Variants in VPS37C observed in about 807,000 individuals in gnomAD.
The protein encoded by VPS37C is vacuolar protein sorting-associated protein 37C.
VPS37C carries 9 observed loss-of-function variants against 16.1 expected under a neutral mutation model. The observed-to-expected ratio is 0.56, with a 90% CI of 0.34 to 0.97. The LOEUF (loss-of-function observed/expected upper bound fraction) is 0.97, where lower values mean the gene tolerates loss of function less well. Among genes scored for constraint, VPS37C ranks in the 50% least tolerant of loss-of-function variants. The pLI is 0.02. For synonymous variants in VPS37C, 207 were observed against 206.4 expected, an observed-to-expected ratio of 1.00 and a Z score of -0.02; for missense variants, 479 against 472.7, an observed-to-expected ratio of 1.01 and a Z score of -0.12.
At chr11:61,149,276 A>G (rs1205563994) in intron 1 of VPS37C, among the ~76,000 whole-genome samples, 1 of 152,118 alleles carries the variant, frequency 6.6e-6, no homozygotes, top group Non-Finnish European at 1.5e-5. Context: ...ACAGAGCGAG[A>G]CTCCATCTCA....
In VPS37C at chr11:61,150,450, G is replaced by C. The variant is rs750953967; in HGVS notation, c.-7+10941C>G. 4.4e-4 allele frequency among the ~76,000 whole-genome samples: 67 copies of C among 151,852 alleles called. 1 individual carries two copies. Among genetic ancestry groups the C allele is most frequent in the Non-Finnish European group, 7.4e-4 (50 of 67,978 alleles). ...CCCCACCTGTCAATGGGTGGCGGCG[G>C]GAGGGGTCAAGTAGCCTAACCAGTC... On this transcript the variant is annotated intron_variant, in intron 1 of 4. Coordinates refer to ENST00000301765, the MANE Select transcript of VPS37C (RefSeq NM_017966.5).
Position 61,131,962 on chromosome 11 carries a change from G to A in VPS37C, c.926C>T (p.Pro309Leu), listed in dbSNP as rs1166734526. 2 of 1,315,882 alleles carry A rather than the reference G, an allele frequency of 1.5e-6. No individual in the cohort carries two copies. The highest frequency in any genetic ancestry group is 1.9e-6 in the Non-Finnish European group (2 of 1,026,484). 81.5% of individuals were successfully genotyped at this position (1,315,882 alleles called of 1,614,324 possible). The change falls in exon 5 of 5, where the codon CCT (proline) becomes CTT (leucine). Residue 309 changes from proline to leucine, a missense_variant. Physicochemically the swap from Pro to Leu is moderately conservative, Grantham distance 98 (BLOSUM62 -3). Coordinates refer to ENST00000301765, the MANE Select transcript of VPS37C (RefSeq NM_017966.5). Reference protein sequence around the residue: ...QSPYPATGGKPPYPIQPQLPS... With the variant: ...QSPYPATGGKLPYPIQPQLPS... ...GAGCTGAGGCTGTATTGGGTAGGGA[G>A]GTTTTCCTCCTGTTGCGGGGTATGG...
At chr11:61,150,682 C>T (rs1249224164) in intron 1 of VPS37C, among the ~76,000 whole-genome samples, 1 of 151,926 alleles carries the variant, frequency 6.6e-6, no homozygotes, top group Non-Finnish European at 1.5e-5. Flanking sequence ...TCCCCCTTGA[C>T]CTAGAGTTGG....
At chr11:61,139,582 C>CGATT (rs1861437587) in intron 1 of VPS37C, among the ~76,000 whole-genome samples, 1 of 152,016 alleles carries the variant, frequency 6.6e-6, no homozygotes, top group Non-Finnish European at 1.5e-5. Context: ...AGAGGGCCAT[C>CGATT]GATTGTCTGT....
At chr11:61,160,326 G>A (rs1327265580) in intron 1 of VPS37C, among the ~76,000 whole-genome samples, 2 of 152,150 alleles carry the variant, frequency 1.3e-5, no homozygotes, top group African/African-American at 4.8e-5. Context: ...GAGTTCAGGT[G>A]TCTGCAGGGT....
intron 2 of VPS37C, among the ~76,000 whole-genome samples, chr11:61,137,253 C>A (rs1861393415): frequency 6.6e-6 from 1 of 152,144 alleles, no homozygotes; most frequent in South Asian, 2.1e-4. Flanking sequence ...CCCACTGTGA[C>A]TCAATGACTG....
chr11:61,151,446 C>T (rs1008203695), intron 1 of VPS37C, among the ~76,000 whole-genome samples: 4 of 152,236 alleles, frequency 2.6e-5, no homozygotes, highest in Admixed American at 2.6e-4. Flanking sequence ...GGCTCTGAAT[C>T]TGTAAGGCAG....
intron 1 of VPS37C, among the ~76,000 whole-genome samples, chr11:61,160,913 C>T (rs1468458251): frequency 6.6e-6 from 1 of 152,164 alleles, no homozygotes; most frequent in South Asian, 2.1e-4. Context: ...GGAGAAAGGG[C>T]ACAAGCCAGT....
At chr11:61,136,300 T>A (rs1299351447) in intron 2 of VPS37C, among the ~76,000 whole-genome samples, 5 of 151,752 alleles carry the variant, frequency 3.3e-5, no homozygotes, top group Admixed American at 2.0e-4. Flanking sequence ...CTTGCTCCCT[T>A]GTAGCTGGGA....
intron 2 of VPS37C, among the ~76,000 whole-genome samples, chr11:61,135,227 T>C (rs1861346805): frequency 6.6e-6 from 1 of 152,230 alleles, no homozygotes; most frequent in African/African-American, 2.4e-5. Flanking sequence ...GTGGGCATTC[T>C]GGAAGAGGCG....
At position 61,152,063 on chromosome 11, in the gene VPS37C, C is replaced by G. The variant is rs556304065; in HGVS notation, c.-7+9328G>C. ...TCTAATCTGCACAGAGCAAGCTGAG[C>G]AAGTGGATTTAACTGTCCCTTTAAG... is the stretch of plus-strand genomic sequence containing the variant. On this transcript the variant is annotated intron_variant, in intron 1 of 4. Coordinates refer to ENST00000301765, the MANE Select transcript of VPS37C (RefSeq NM_017966.5). 5.3e-4 allele frequency among the ~76,000 whole-genome samples: 81 copies of G among 152,290 alleles called. 1 individual carries two copies. Among genetic ancestry groups the G allele is most frequent in the African/African-American group, 1.8e-3 (76 of 41,558 alleles).
At chr11:61,156,594 CAAAA>C (rs1331125373) in intron 1 of VPS37C, among the ~76,000 whole-genome samples, 1 of 151,740 alleles carries the variant, frequency 6.6e-6, no homozygotes, top group East Asian at 1.9e-4. Context: ...CAAAAAAAAA[CAAAA>C]ACAAAAACAC....
intron 1 of VPS37C, among the ~76,000 whole-genome samples, chr11:61,150,470 C>G (rs1393063713): frequency 6.6e-6 from 1 of 152,082 alleles, no homozygotes; most frequent in South Asian, 2.1e-4. Flanking sequence ...AGTAGCCTAA[C>G]CAGTCTGGAC....
intron 1 of VPS37C, among the ~76,000 whole-genome samples, chr11:61,157,855 G>A (rs1318816420): frequency 6.6e-6 from 1 of 152,198 alleles, no homozygotes; most frequent in African/African-American, 2.4e-5. Context: ...CCTCATGAAT[G>A]GCTTGGTGCC....
chr11:61,132,258 G>A lies in VPS37C; in HGVS notation c.630C>T (p.Ser210=). The A allele has an allele frequency of 6.5e-7, 1 of 1,528,690 alleles. No individual in the cohort carries two copies. Among genetic ancestry groups the A allele is most frequent in the Non-Finnish European group, 8.8e-7 (1 of 1,136,914 alleles). The allele number at this position is 1,528,690 out of a possible 1,614,324, so 94.7% of individuals were successfully genotyped here. A position where few individuals can be genotyped will look rare whatever the true frequency, so the allele number is the denominator to read the frequency against. The part of the protein sequence containing the change: ...MPPYPLPYSP[S]PSLPVGPTAH... Reference sequence around the variant, plus strand: ...CAGTGGGGCCCACAGGCAGGCTGGGGGATGGGCTGTAGGGCAAAGGGTAGG... The same window carrying A: ...CAGTGGGGCCCACAGGCAGGCTGGGAGATGGGCTGTAGGGCAAAGGGTAGG... The change falls in exon 5 of 5, where the codon TCC becomes TCT. Residue 210 remains serine, a synonymous_variant. Transcript: ENST00000301765.
intron 1 of VPS37C, chr11:61,143,264 C>T (rs1861504267): frequency 6.6e-6 from 1 of 151,580 alleles, no homozygotes; most frequent in Non-Finnish European, 1.5e-5. Context: ...ATGAAAATGC[C>T]TTTTCAGGTC....
chr11:61,136,404 C>T (rs1473045834), intron 2 of VPS37C, among the ~76,000 whole-genome samples: 1 of 152,100 alleles, frequency 6.6e-6, no homozygotes, highest in African/African-American at 2.4e-5. Flanking sequence ...GAACTCCTGA[C>T]CTCAGGTCTT....
At chr11:61,160,141 A>G (rs959696436) in intron 1 of VPS37C, among the ~76,000 whole-genome samples, 1 of 152,216 alleles carries the variant, frequency 6.6e-6, no homozygotes, top group Non-Finnish European at 1.5e-5. Flanking sequence ...GAAACTGCTC[A>G]GAAAGTCTAC....
At chr11:61,149,218 G>A (rs1198860770) in intron 1 of VPS37C, among the ~76,000 whole-genome samples, 1 of 152,150 alleles carries the variant, frequency 6.6e-6, no homozygotes, top group Admixed American at 6.5e-5. Flanking sequence ...CCCAGGAGAC[G>A]GAGCTTGCAG....
Sources: allele counts gnomAD v4.1 joint callset (sites outside exome capture counted in the v4.1 genomes callset), GRCh38; gene constraint gnomAD v4.1.1; transcripts MANE v1.5; gene names NCBI Gene and HGNC (gene_info 2026-07-23, HGNC 2026-07-21).